The following CDC42BPA variants were observed in gnomAD, a reference collection of about 807,000 sequenced individuals.
The protein encoded by CDC42BPA is CDC42 binding protein kinase alpha, also known as serine/threonine-protein kinase MRCK alpha.
In CDC42BPA, 80 loss-of-function variants were observed where a neutral mutation model predicts 223.5. The observed-to-expected ratio is 0.36, with a 90% confidence interval of 0.30 to 0.43. The LOEUF is 0.43. CDC42BPA is among the 20% of genes least tolerant of loss of function. The pLI, the probability that CDC42BPA is intolerant of heterozygous loss-of-function variation, is 1.00. For synonymous variants in CDC42BPA, 694 were observed against 718.6 expected (o/e 0.97, Z 0.55); for missense variants, 1,743 against 2,099.9 (o/e 0.83, Z 3.32).
Position 227,245,309 on chromosome 1 carries a change from A to G in CDC42BPA, c.270+8755T>C, listed in dbSNP as rs573571139. ...CTTTTTTTTTTTTTTTTTTTTTTTG[A>G]GACGGAGTCTCACTTTGTCGCCTGG... On this transcript the variant is annotated intron_variant, in intron 2 of 36. Coordinates refer to ENST00000366766, the MANE Select transcript of CDC42BPA (RefSeq NM_001394014.1). 8.4e-3 allele frequency among the ~76,000 whole-genome samples: 584 copies of G among 69,688 alleles called. 6 individuals carry two copies. Among genetic ancestry groups the G allele is most frequent in the African/African-American group, 0.027 (560 of 20,732 alleles). The allele number at this position is 69,688 out of a possible 152,430, so 45.7% of individuals were successfully genotyped here.
chr1:227,039,037 T>C (rs1051923742), intron 24 of CDC42BPA, among the ~76,000 whole-genome samples: 2 of 152,196 alleles, frequency 1.3e-5, no homozygotes, highest in Non-Finnish European at 2.9e-5. Context: ...ACCATGACAA[T>C]GCTCCTCCTG....
intron 14 of CDC42BPA, among the ~76,000 whole-genome samples, chr1:227,109,737 C>T (rs539040593): frequency 1.3e-5 from 2 of 151,736 alleles, no homozygotes; most frequent in Admixed American, 6.6e-5. Context: ...ACTTTTGAAA[C>T]ATTTTTGTTA....
chr1:227,020,131 G>A (rs929822354), intron 32 of CDC42BPA, among the ~76,000 whole-genome samples: 1 of 152,060 alleles, frequency 6.6e-6, no homozygotes, highest in East Asian at 1.9e-4. Flanking sequence ...CCTGACCTCA[G>A]GTGATCTGCC....
intron 1 of CDC42BPA, among the ~76,000 whole-genome samples, chr1:227,282,446 CAT>C (rs769101612): frequency 6.6e-5 from 10 of 152,180 alleles, no homozygotes; most frequent in Non-Finnish European, 1.0e-4. Flanking sequence ...TACTGTTACA[CAT>C]GTGGGATGTG....
intron 1 of CDC42BPA, among the ~76,000 whole-genome samples, chr1:227,275,162 T>C (rs955289860): frequency 1.3e-5 from 2 of 151,564 alleles, no homozygotes; most frequent in Non-Finnish European, 2.9e-5. Flanking sequence ...AAAAATATTT[T>C]AAACTAATGG....
intron 15 of CDC42BPA, among the ~76,000 whole-genome samples, chr1:227,097,246 C>A (rs485674): frequency 0.069 from 10,525 of 152,150 alleles, 558 homozygotes; most frequent in East Asian, 0.25. Flanking sequence ...TGCTCTCCTT[C>A]CAGTCTCTTT....
Position 227,205,137 on chromosome 1 carries a change from T to C in CDC42BPA, c.355-5485A>G, listed in dbSNP as rs140938507. ...AGCCGGGTGTGGTGGTGGGAGGTAC[T>C]TGGGAGGTACTCAGCCAGCTACTTG... On this transcript the variant is annotated intron_variant, in intron 3 of 36. Coordinates refer to ENST00000366766, the MANE Select transcript of CDC42BPA (RefSeq NM_001394014.1). Among the ~76,000 whole-genome samples the C allele has an allele frequency of 4.7e-3, 715 of 151,542 alleles. 8 individuals are homozygous for C. The highest frequency in any genetic ancestry group is 0.016 in the African/African-American group (675 of 41,320).
chr1:227,299,407 T>C (rs1691250749), intron 1 of CDC42BPA, among the ~76,000 whole-genome samples: 1 of 152,168 alleles, frequency 6.6e-6, no homozygotes, highest in Non-Finnish European at 1.5e-5. Flanking sequence ...ACTAGTTATA[T>C]TACATCATCT....
intron 34 of CDC42BPA, among the ~76,000 whole-genome samples, chr1:227,015,430 G>T (rs889353846): frequency 1.4e-5 from 2 of 147,040 alleles, no homozygotes. Context: ...CTCAAAAAAA[G>T]AAAAAAAAGA....
At chr1:227,280,887 A>C (rs1687911294) in intron 1 of CDC42BPA, among the ~76,000 whole-genome samples, 1 of 152,190 alleles carries the variant, frequency 6.6e-6, no homozygotes, top group Admixed American at 6.5e-5. Flanking sequence ...TAAGCATGCC[A>C]AGCCAGGGAT....
rs1657666544 is a variant in CDC42BPA at position 227,133,191 on chromosome 1, C to A, written c.1391-3960G>T. 2.0e-5 allele frequency among the ~76,000 whole-genome samples: 3 copies of A among 150,690 alleles called. No individual in the cohort carries two copies. The South Asian group carries it at 6.3e-4, about 32-fold the overall frequency. ...CTGAGGAACCCCTCTGCCTGGCCGGCTGCCCCGTCTGGGAGGGAGGTGGGG... is the reference window on the plus strand; with the variant it reads ...CTGAGGAACCCCTCTGCCTGGCCGGATGCCCCGTCTGGGAGGGAGGTGGGG... On this transcript the variant is annotated intron_variant, in intron 10 of 36. Coordinates refer to ENST00000366766, the MANE Select transcript of CDC42BPA (RefSeq NM_001394014.1).
At chr1:227,078,691 G>A (rs1335974147) in intron 17 of CDC42BPA, among the ~76,000 whole-genome samples, 1 of 152,094 alleles carries the variant, frequency 6.6e-6, no homozygotes, top group Non-Finnish European at 1.5e-5. Flanking sequence ...AAGTGACTTC[G>A]TAAAAGGTTT....
chr1:227,024,854 G>T (rs1466681719), intron 31 of CDC42BPA, among the ~76,000 whole-genome samples: 5 of 152,198 alleles, frequency 3.3e-5, no homozygotes, highest in Non-Finnish European at 7.4e-5. Context: ...TGATTCTCAG[G>T]TTAGGAGGTA....
At chr1:227,124,817 T>G (rs1689257650) in intron 11 of CDC42BPA, among the ~76,000 whole-genome samples, 1 of 152,204 alleles carries the variant, frequency 6.6e-6, no homozygotes, top group African/African-American at 2.4e-5. Flanking sequence ...AGACTTATAC[T>G]TTAAAAGCTT....
chr1:227,042,893 T>C (rs1393777377), intron 23 of CDC42BPA, among the ~76,000 whole-genome samples: 1 of 152,188 alleles, frequency 6.6e-6, no homozygotes, highest in Non-Finnish European at 1.5e-5. Flanking sequence ...AAGAGTTCTT[T>C]TCTACTCTGA....
At chr1:227,243,340 C>A (rs1680331478) in intron 2 of CDC42BPA, among the ~76,000 whole-genome samples, 1 of 152,184 alleles carries the variant, frequency 6.6e-6, no homozygotes, top group Admixed American at 6.5e-5. Flanking sequence ...TTAAAAAAGA[C>A]TTCTACATTG....
chr1:227,059,358 G>A (rs377029730), intron 21 of CDC42BPA: 49 of 1,559,058 alleles, frequency 3.1e-5, no homozygotes, highest in South Asian at 7.1e-5. Flanking sequence ...TACATAAAGT[G>A]CAAAAGTCTC....
At chr1:227,255,783 T>C (rs1682938716) in intron 1 of CDC42BPA, among the ~76,000 whole-genome samples, 1 of 152,254 alleles carries the variant, frequency 6.6e-6, no homozygotes, top group Admixed American at 6.5e-5. Flanking sequence ...CTACAGAATA[T>C]TGCTGATAAA....
intron 5 of CDC42BPA, among the ~76,000 whole-genome samples, chr1:227,168,873 A>G (rs1665616269): frequency 6.6e-6 from 1 of 151,924 alleles, no homozygotes; most frequent in Non-Finnish European, 1.5e-5. Context: ...TTCTTCAGGT[A>G]TTTTTTCTGG....
Sources: gnomAD v4.1 joint callset for allele counts (sites outside exome capture counted in the v4.1 genomes callset) on GRCh38, gnomAD v4.1.1 for gene constraint, MANE v1.5 for transcripts, NCBI Gene and HGNC (gene_info 2026-07-23, HGNC 2026-07-21) for gene names.